Variants in DCAF8L2 observed in about 807,000 individuals in gnomAD.
DCAF8L2 encodes the protein DDB1 and CUL4 associated factor 8 like 2.
For synonymous variants in DCAF8L2, 200 were observed against 190.9 expected (o/e 1.05, Z -0.39); for missense variants, 430 against 490.7 (o/e 0.88, Z 1.17).
chrX:27,671,578 T>G (rs1216477802), intron 2 of DCAF8L2, among the ~76,000 whole-genome samples: 1 of 111,704 alleles, frequency 9.0e-6, no homozygotes, highest in East Asian at 2.8e-4. Flanking sequence ...CCAGCATCGA[T>G]TCCACTCTCT....
At chrX:27,603,448 C>T (rs1926740755) in intron 1 of DCAF8L2, among the ~76,000 whole-genome samples, 1 of 111,643 alleles carries the variant, frequency 9.0e-6, no homozygotes, top group Non-Finnish European at 1.9e-5. Flanking sequence ...TTATTCTCCA[C>T]TTATTCAACC....
At chrX:27,721,766 T>C (rs1279810167) in intron 4 of DCAF8L2, among the ~76,000 whole-genome samples, 2 of 111,922 alleles carry the variant, frequency 1.8e-5, no homozygotes, top group East Asian at 2.8e-4. Context: ...TGCAGCCCTA[T>C]GTAAAAAATC....
intron 3 of DCAF8L2, among the ~76,000 whole-genome samples, chrX:27,715,411 A>C (rs1298310696): frequency 1.8e-5 from 2 of 108,618 alleles, no homozygotes; most frequent in African/African-American, 6.7e-5. Context: ...TCTATTCTTG[A>C]AATCTGTGGT....
intron 1 of DCAF8L2, among the ~76,000 whole-genome samples, chrX:27,611,891 C>T (rs780088480): frequency 5.4e-5 from 6 of 111,258 alleles, no homozygotes; most frequent in Admixed American, 9.6e-5. Context: ...GTGAATAGTG[C>T]TGCAATAAAC....
At chrX:27,555,995 C>T in the DCAF8L2 span, among the ~76,000 whole-genome samples, 2 of 111,276 alleles carry the variant, frequency 1.8e-5, no homozygotes, top group African/African-American at 6.5e-5. Flanking sequence ...TGGTTGGCTT[C>T]CTACTTGATC....
chrX:27,477,694 C>T, the DCAF8L2 span, among the ~76,000 whole-genome samples: 2 of 111,525 alleles, frequency 1.8e-5, no homozygotes, highest in Non-Finnish European at 3.8e-5. Context: ...TCTAGAATTT[C>T]TCCAAACCCA....
chrX:27,732,211 G>T (rs1255073322), intron 4 of DCAF8L2, among the ~76,000 whole-genome samples: 1 of 111,213 alleles, frequency 9.0e-6, no homozygotes, highest in Non-Finnish European at 1.9e-5. Context: ...TAGTCTTCAT[G>T]CTGTACATAA....
chrX:27,524,660 G>T, the DCAF8L2 span, among the ~76,000 whole-genome samples: 1 of 110,717 alleles, frequency 9.0e-6, no homozygotes, highest in South Asian at 3.8e-4. Context: ...TTCTCTTTTG[G>T]GCATTTAGTG....
chrX:27,748,129 ACTC>A lies in DCAF8L2; in HGVS notation c.1238_1240del (p.Pro413del). 1.7e-6 allele frequency: 2 copies of A among 1,211,129 alleles called. No individual in the cohort carries two copies. The highest frequency in any genetic ancestry group is 2.2e-6 in the Non-Finnish European group (2 of 895,312). ...AAACAATGGCGTGCTCAAGAAATTC[ACTC>A]CTCATCATCTGGTTAATTGTGATTT... On this transcript the variant is annotated inframe_deletion, in exon 5 of 5. Coordinates refer to ENST00000451261, the MANE Select transcript of DCAF8L2 (RefSeq NM_001353450.2).
the DCAF8L2 span, among the ~76,000 whole-genome samples, chrX:27,529,514 G>T: frequency 8.9e-6 from 1 of 111,792 alleles, no homozygotes; most frequent in Non-Finnish European, 1.9e-5. Context: ...TTTACAAGGT[G>T]TTACAAGAAA....
At chrX:27,696,194 G>T (rs188895929) in intron 3 of DCAF8L2, among the ~76,000 whole-genome samples, 1 of 98,861 alleles carries the variant, frequency 1.0e-5, no homozygotes, top group Admixed American at 1.2e-4. Context: ...GTTAGACTCC[G>T]TCAGAAGAAA....
At chrX:27,594,118 A>G (rs187209557) in intron 1 of DCAF8L2, among the ~76,000 whole-genome samples, 95 of 112,266 alleles carry the variant, frequency 8.5e-4, no homozygotes, top group African/African-American at 3.0e-3. Context: ...ATGAAACCTC[A>G]TGTGTATCCA....
chrX:27,495,042 C>T, the DCAF8L2 span, among the ~76,000 whole-genome samples: 13 of 110,869 alleles, frequency 1.2e-4, no homozygotes, highest in Middle Eastern at 4.6e-3. Context: ...GGAGTTTTGA[C>T]GTATACCTTT....
the DCAF8L2 span, among the ~76,000 whole-genome samples, chrX:27,483,381 C>T: frequency 4.5e-5 from 5 of 111,656 alleles, no homozygotes; most frequent in African/African-American, 1.6e-4. Context: ...AAGTAGTTTA[C>T]ATTTTTGTAA....
chrX:27,520,379 A>G, the DCAF8L2 span, among the ~76,000 whole-genome samples: 2 of 112,075 alleles, frequency 1.8e-5, no homozygotes, highest in Admixed American at 1.9e-4. Flanking sequence ...GTCAAATAAT[A>G]TTAGTGCATT....
the DCAF8L2 span, among the ~76,000 whole-genome samples, chrX:27,527,059 C>T: frequency 8.9e-6 from 1 of 112,242 alleles, no homozygotes; most frequent in Non-Finnish European, 1.9e-5. Flanking sequence ...AGCTGTCAGA[C>T]AGGGACATTT....
chrX:27,674,838 G>A (rs955649142), intron 2 of DCAF8L2, among the ~76,000 whole-genome samples: 2 of 111,438 alleles, frequency 1.8e-5, no homozygotes, highest in African/African-American at 3.3e-5. Flanking sequence ...ATTTTGGACC[G>A]GGTGCTCTCA....
the DCAF8L2 span, among the ~76,000 whole-genome samples, chrX:27,482,502 T>G: frequency 1.8e-5 from 2 of 111,559 alleles, no homozygotes; most frequent in Non-Finnish European, 3.8e-5. Flanking sequence ...ATTATGACAT[T>G]GTAATATTGT....
chrX:27,480,573 G>C, the DCAF8L2 span, among the ~76,000 whole-genome samples: 2 of 111,597 alleles, frequency 1.8e-5, no homozygotes, highest in Non-Finnish European at 3.8e-5. Flanking sequence ...CTTTAGCTTC[G>C]ACTGGGCAGC....
Sources: allele counts gnomAD v4.1 joint callset (sites outside exome capture counted in the v4.1 genomes callset), GRCh38; gene constraint gnomAD v4.1.1; transcripts MANE v1.5; gene names NCBI Gene and HGNC (gene_info 2026-07-23, HGNC 2026-07-21).